TLE3: variants seen among roughly 807,000 people sequenced by gnomAD.
TLE3 encodes transducin-like enhancer protein 3.
TLE3 carries 14 observed loss-of-function variants against 93.0 expected under a neutral mutation model. The ratio of observed to expected loss-of-function variants is 0.15; its 90% confidence interval spans 0.10 to 0.24. TLE3 has a LOEUF of 0.24. Among genes scored for constraint, TLE3 ranks in the 10% least tolerant of loss-of-function variants. The pLI is 1.00. For synonymous variants in TLE3, 451 were observed against 425.0 expected (o/e 1.06, Z -0.75); for missense variants, 693 against 1,046.6 (o/e 0.66, Z 4.66).
At chr15:70,056,255 T>G in intron 14 of TLE3, 43 bp downstream of exon 14, 1 of 1,596,814 alleles carries the variant, frequency 6.3e-7, no homozygotes, top group Non-Finnish European at 8.6e-7. Context: ...TGCTCTCTCC[T>G]GCCCACCCTA....
intron 6 of TLE3, among the ~76,000 whole-genome samples, chr15:70,070,393 T>C (rs1344420763): frequency 6.6e-6 from 1 of 152,194 alleles, no homozygotes; most frequent in Non-Finnish European, 1.5e-5. Flanking sequence ...GGTTCATGAT[T>C]TGGGTTGAAC....
In TLE3 at chr15:70,053,222, C is replaced by G. The variant is rs1364718246; in HGVS notation, c.1974+5G>C. On this transcript the variant is annotated splice_donor_5th_base_variant and intron_variant, in intron 17 of 19. Transcript: ENST00000451782. The stretch of plus-strand genomic sequence containing the variant: ...TTGGGAAGGGAGGAGTCTTGGGCCG[C>G]ACACCTGGGAAGTGAAGTCATGCTG... 3.7e-6 allele frequency: 6 copies of G among 1,607,792 alleles called. No homozygotes were observed. In the East Asian group the frequency reaches 1.3e-4, roughly 36 times the overall value.
At position 70,055,148 on chromosome 15, in the gene TLE3, G is replaced by A; in HGVS notation, c.1479C>T (p.Asn493=). 1 of 1,614,138 alleles carries A rather than the reference G, an allele frequency of 6.2e-7. No homozygotes were observed. Among genetic ancestry groups the A allele is most frequent in the Non-Finnish European group, 8.5e-7 (1 of 1,180,006 alleles). The stretch of plus-strand genomic sequence containing the variant: ...CACCTGTGTAGACGTGCCTCGTGGG[G>A]TTGCTGATGGTCACGGCACACACCA... ...GEVVCAVTIS[N]PTRHVYTGGK... is the part of the protein sequence containing the mutation. The change falls in exon 15 of 20, where the codon AAC becomes AAT. Residue 493 remains asparagine (N), a synonymous_variant. Transcript: ENST00000451782.
chr15:70,053,605 G>T (rs1032721457), intron 16 of TLE3: 15 of 296,738 alleles, frequency 5.1e-5, no homozygotes, highest in African/African-American at 1.0e-4. Context: ...CCTGGGAAAT[G>T]GGGGGGGGAG....
intron 4 of TLE3, among the ~76,000 whole-genome samples, chr15:70,087,163 T>C (rs2058074392): frequency 1.3e-5 from 2 of 152,188 alleles, no homozygotes; most frequent in African/African-American, 4.8e-5. Context: ...GGCCAGGCAC[T>C]GCTCAGGGTT....
At position 70,095,973 on chromosome 15, in the gene TLE3, A is replaced by C. The variant is rs993194332; in HGVS notation, c.125+188T>G. On this transcript the variant is annotated intron_variant, in intron 2 of 19. Transcript: ENST00000451782. ...CGGGGACCCCACGGGCGGCGCTGGG[A>C]GCCGGGCTGCTGCGGGCAGTAAAGG... The C allele has an allele frequency of 1.9e-5, 14 of 753,490 alleles. No individual in the cohort carries two copies. In the East Asian group the frequency reaches 3.9e-4, roughly 21 times the overall value. 46.7% of individuals were successfully genotyped at this position (753,490 alleles called of 1,614,324 possible).
At chr15:70,064,321 G>T in intron 8 of TLE3, 133 bp downstream of exon 8, 2 of 1,053,798 alleles carry the variant, frequency 1.9e-6, no homozygotes, top group Non-Finnish European at 1.4e-6. Flanking sequence ...AACCCACAGA[G>T]CAGAAGCGGG....
intron 19 of TLE3, 103 bp from the exon 20 acceptor site, chr15:70,050,307 G>C (rs1048944058): frequency 5.7e-6 from 5 of 881,476 alleles, no homozygotes; most frequent in South Asian, 1.4e-5. Context: ...CGGTTCTCTC[G>C]GCAACAATTG....
rs2055627541 is a variant in TLE3, at chr15:70,052,368, G to A, written c.2125+6C>T. 4 of 1,612,804 alleles carry A rather than the reference G, an allele frequency of 2.5e-6. No individual in the cohort carries two copies. The highest frequency in any genetic ancestry group is 2.5e-6 in the Non-Finnish European group (3 of 1,179,664). Reference sequence around the variant, plus strand: ...TCCATCAGGCCTGGGCCCATCCAAGGCTCACCGCAGTAGGCGAACTTGAGG... The same window carrying A: ...TCCATCAGGCCTGGGCCCATCCAAGACTCACCGCAGTAGGCGAACTTGAGG... On this transcript the variant is annotated splice_donor_region_variant and intron_variant, in intron 18 of 19. Transcript: ENST00000451782.
chr15:70,094,603 C>G, intron 3 of TLE3, 27 bp from the exon 4 acceptor site: 1 of 1,486,368 alleles, frequency 6.7e-7, no homozygotes, highest in South Asian at 1.3e-5. Flanking sequence ...TGGCTATTAA[C>G]AGACAACACA....
chr15:70,093,495 C>T (rs2058399156), intron 4 of TLE3, among the ~76,000 whole-genome samples: 1 of 152,240 alleles, frequency 6.6e-6, no homozygotes, highest in South Asian at 2.1e-4. Context: ...GTCACGGTCA[C>T]CAAAGGCTAG....
Position 70,050,082 on chromosome 15 carries a change from T to C in TLE3, c.*15A>G. ...GGTTTCTCCCAGAGTTTGACAGCCC[T>C]GCTGGAGTTCTTGTTTAGTAGATGA... On this transcript the variant is annotated 3_prime_UTR_variant, in exon 20 of 20. Coordinates refer to ENST00000451782, the MANE Select transcript of TLE3 (RefSeq NM_001105192.3). 1 of 1,607,400 alleles carries C rather than the reference T, an allele frequency of 6.2e-7. No homozygotes were observed. The highest frequency in any genetic ancestry group is 1.7e-5 in the Admixed American group (1 of 60,016).
chr15:70,058,350 G>C lies in TLE3; in HGVS notation c.919-59C>G, dbSNP rs187906703. On this transcript the variant is annotated intron_variant, in intron 11 of 19. Coordinates refer to ENST00000451782, the MANE Select transcript of TLE3 (RefSeq NM_001105192.3). The surrounding 1 kb of genome is among the most constrained non-coding windows in gnomAD (Gnocchi z 4.1). ...TGAGGCTTCCATTCTCCTAGGAGCC[G>C]GGCACAACTGGTGCCGGTCCCAACG... 1 of 1,538,492 alleles carries C rather than the reference G, an allele frequency of 6.5e-7. No homozygotes were observed. Among genetic ancestry groups the C allele is most frequent in the Non-Finnish European group, 8.8e-7 (1 of 1,141,680 alleles).
chr15:70,093,687 G>C (rs2058409920), intron 4 of TLE3, among the ~76,000 whole-genome samples: 2 of 152,132 alleles, frequency 1.3e-5, no homozygotes, highest in Non-Finnish European at 2.9e-5. Flanking sequence ...CCTAGCACTG[G>C]GACTAGTTAC....
At chr15:70,054,968 C>T in intron 15 of TLE3, 81 bp downstream of exon 15, 1 of 1,498,444 alleles carries the variant, frequency 6.7e-7, no homozygotes, top group South Asian at 1.3e-5. Flanking sequence ...TGAGCCAGGC[C>T]CTGGGGCTCT....
intron 6 of TLE3, chr15:70,066,998 G>T: frequency 4.2e-6 from 1 of 236,816 alleles, no homozygotes; most frequent in Non-Finnish European, 9.3e-6. Context: ...GTTTGCAGCA[G>T]CTCATGGCGC....
At chr15:70,085,281 C>T (rs1393537364) in intron 4 of TLE3, among the ~76,000 whole-genome samples, 1 of 152,238 alleles carries the variant, frequency 6.6e-6, no homozygotes, top group East Asian at 1.9e-4. Flanking sequence ...ACTCCAAAGC[C>T]AACCTCTTAG....
At position 70,096,803 on chromosome 15, in the gene TLE3, G is replaced by A. The variant is rs768364441; in HGVS notation, c.-5C>T. 7 of 1,612,440 alleles carry A rather than the reference G, an allele frequency of 4.3e-6. No individual in the cohort carries two copies. In the African/African-American group the frequency reaches 8.0e-5, roughly 18 times the overall value. ...ATGTCTGCCCTGCGGATACATGGCA[G>A]GGAGGGGTCGTGATTCCGAGAGCGT... On this transcript the variant is annotated 5_prime_UTR_variant, in exon 1 of 20. Coordinates refer to ENST00000451782, the MANE Select transcript of TLE3 (RefSeq NM_001105192.3).
chr15:70,058,896 G>A lies in TLE3; in HGVS notation c.766-81C>T. ...TCCCTGCTCTGGGAGTGGGAAGAGA[G>A]AGGGCATGGGCGATGGGAAGACGAG... On this transcript the variant is annotated intron_variant, in intron 10 of 19. Transcript: ENST00000451782. The surrounding 1 kb of genome is among the most constrained non-coding windows in gnomAD (Gnocchi z 4.1). The A allele has an allele frequency of 6.9e-7, 1 of 1,450,202 alleles. No individual in the cohort carries two copies. Among genetic ancestry groups the A allele is most frequent in the Non-Finnish European group, 9.1e-7 (1 of 1,103,268 alleles). The allele number at this position is 1,450,202 out of a possible 1,614,324, so 89.8% of individuals were successfully genotyped here.
Sources: gnomAD v4.1 joint callset for allele counts (sites outside exome capture counted in the v4.1 genomes callset) on GRCh38, gnomAD v4.1.1 for gene constraint, Gnocchi (gnomAD v3.1) non-coding constraint, MANE v1.5 for transcripts, NCBI Gene and HGNC (gene_info 2026-07-23, HGNC 2026-07-21) for gene names.